SGCZ: variants seen among roughly 807,000 people sequenced by gnomAD.
SGCZ encodes the protein sarcoglycan zeta.
In SGCZ, 40 loss-of-function variants were observed where a neutral mutation model predicts 41.3. The ratio of observed to expected loss-of-function variants is 0.97; its 90% CI spans 0.75 to 1.26. The LOEUF is 1.26. Among genes scored for constraint, SGCZ ranks in the 50% most tolerant of loss-of-function variants. The pLI is 0.00. For synonymous variants in SGCZ, 206 were observed against 137.5 expected, an observed-to-expected ratio of 1.50 and a Z score of -3.49; for missense variants, 552 against 369.8, an observed-to-expected ratio of 1.49 and a Z score of -4.04.
intron 4 of SGCZ, among the ~76,000 whole-genome samples, chr8:14,198,098 C>G (rs1424891093): frequency 6.6e-6 from 1 of 152,042 alleles, no homozygotes; most frequent in Admixed American, 6.6e-5. Context: ...ATGGAAAATT[C>G]CAGAAAGAAA....
rs148144621 is a variant in SGCZ at position 14,753,232 on chromosome 8, C to G, written c.40-198306G>C. 9.2e-5 allele frequency among the ~76,000 whole-genome samples: 14 copies of G among 152,282 alleles called. No homozygotes were observed. The East Asian group carries it at 2.7e-3, about 29-fold the overall frequency. On this transcript the variant is annotated intron_variant, in intron 1 of 7. Coordinates refer to ENST00000382080, the MANE Select transcript of SGCZ (RefSeq NM_139167.4). ...CGGAGCTAAATTAACACACTTTTCT[C>G]TAAAATTTTAGATTCATAAATTTCT...
At chr8:14,502,701 G>C (rs956808674) in intron 2 of SGCZ, among the ~76,000 whole-genome samples, 2 of 152,156 alleles carry the variant, frequency 1.3e-5, no homozygotes, top group Admixed American at 1.3e-4. Context: ...ATGAAAAAAA[G>C]CTCATCATCA....
chr8:14,780,555 T>C (rs894500188), intron 1 of SGCZ, among the ~76,000 whole-genome samples: 1 of 151,926 alleles, frequency 6.6e-6, no homozygotes, highest in Non-Finnish European at 1.5e-5. Context: ...AGGAGAACGA[T>C]GGGAAGGAAT....
In SGCZ at chr8:15,168,467, C is replaced by A. The variant is rs544010374; in HGVS notation, c.39+69118G>T. 1.8e-4 allele frequency among the ~76,000 whole-genome samples: 27 copies of A among 152,220 alleles called. No individual in the cohort carries two copies. In the South Asian group the frequency reaches 4.4e-3, roughly 25 times the overall value. Reference sequence around the variant, plus strand: ...GAATTCCCTATTCTCTAGCTCCCCCCACAACCCAACCCTTGCTTCATGGGC... The same window carrying A: ...GAATTCCCTATTCTCTAGCTCCCCCAACAACCCAACCCTTGCTTCATGGGC... On this transcript the variant is annotated intron_variant, in intron 1 of 7. Transcript: ENST00000382080.
intron 2 of SGCZ, among the ~76,000 whole-genome samples, chr8:14,445,003 C>G (rs141782652): frequency 6.6e-6 from 1 of 152,292 alleles, no homozygotes; most frequent in Admixed American, 6.5e-5. Context: ...TTACTTTCCC[C>G]TGATGTAGGA....
intron 2 of SGCZ, among the ~76,000 whole-genome samples, chr8:14,349,809 T>C (rs901061061): frequency 6.6e-6 from 1 of 152,106 alleles, no homozygotes; most frequent in Non-Finnish European, 1.5e-5. Context: ...TCTTCTGGAA[T>C]AACAGTCCAA....
At chr8:14,551,669 G>C (rs1443234399) in intron 2 of SGCZ, among the ~76,000 whole-genome samples, 1 of 67,152 alleles carries the variant, frequency 1.5e-5, no homozygotes, top group Non-Finnish European at 3.0e-5. Flanking sequence ...AAGTATGTAT[G>C]TATGTATCTG....
At chr8:14,946,429 G>A (rs944827619) in intron 1 of SGCZ, among the ~76,000 whole-genome samples, 2 of 152,008 alleles carry the variant, frequency 1.3e-5, no homozygotes, top group African/African-American at 4.8e-5. Context: ...GCCAATAGCA[G>A]CAGGGTGGTT....
intron 1 of SGCZ, among the ~76,000 whole-genome samples, chr8:14,594,497 A>G (rs1554459670): frequency 6.6e-6 from 1 of 151,932 alleles, no homozygotes; most frequent in Non-Finnish European, 1.5e-5. Context: ...CACTGGGAGG[A>G]TCAAACAAGA....
At chr8:15,196,986 G>A (rs559958368) in intron 1 of SGCZ, among the ~76,000 whole-genome samples, 3 of 152,308 alleles carry the variant, frequency 2.0e-5, no homozygotes, top group African/African-American at 7.2e-5. Context: ...TGGTCTCAGA[G>A]CAATAGTCCC....
chr8:15,123,126 C>G (rs1276810063), intron 1 of SGCZ, among the ~76,000 whole-genome samples: 3 of 152,160 alleles, frequency 2.0e-5, no homozygotes, highest in Non-Finnish European at 4.4e-5. Context: ...ATAAAGGGCT[C>G]ACCGTCATGA....
At chr8:14,378,892 A>G (rs940767197) in intron 2 of SGCZ, among the ~76,000 whole-genome samples, 3 of 152,210 alleles carry the variant, frequency 2.0e-5, no homozygotes, top group Non-Finnish European at 2.9e-5. Flanking sequence ...AGACCTAAAA[A>G]AAATCTTTAT....
intron 2 of SGCZ, among the ~76,000 whole-genome samples, chr8:14,414,833 A>G (rs1799452580): frequency 6.6e-6 from 1 of 151,986 alleles, no homozygotes; most frequent in African/African-American, 2.4e-5. Flanking sequence ...ATTATTAAAC[A>G]CCATGAAATT....
intron 2 of SGCZ, among the ~76,000 whole-genome samples, chr8:14,347,076 C>G (rs1358956600): frequency 6.6e-6 from 1 of 152,020 alleles, no homozygotes; most frequent in Non-Finnish European, 1.5e-5. Context: ...TATTAGCCCT[C>G]GTTAGTTGCC....
chr8:14,814,066 T>C (rs1201754949), intron 1 of SGCZ, among the ~76,000 whole-genome samples: 1 of 152,172 alleles, frequency 6.6e-6, no homozygotes, highest in African/African-American at 2.4e-5. Flanking sequence ...AATAGACATG[T>C]CTTTTATGAT....
intron 5 of SGCZ, among the ~76,000 whole-genome samples, chr8:14,113,309 T>C (rs1802429045): frequency 6.6e-6 from 1 of 152,144 alleles, no homozygotes. Context: ...CATATGCAGA[T>C]TTCTTCATTC....
intron 1 of SGCZ, among the ~76,000 whole-genome samples, chr8:14,619,544 A>G (rs543439421): frequency 5.9e-4 from 90 of 152,314 alleles, no homozygotes; most frequent in Middle Eastern, 3.4e-3. Flanking sequence ...AGAAAACCCC[A>G]CTGTCTCAGC....
intron 1 of SGCZ, among the ~76,000 whole-genome samples, chr8:14,974,626 G>A (rs1801405360): frequency 1.3e-5 from 2 of 152,028 alleles, no homozygotes; most frequent in Admixed American, 1.3e-4. Context: ...GTTTTTTGAA[G>A]CTCCCCAGCA....
At chr8:14,275,783 T>C (rs933659783) in intron 3 of SGCZ, among the ~76,000 whole-genome samples, 7 of 152,148 alleles carry the variant, frequency 4.6e-5, no homozygotes, top group Non-Finnish European at 1.0e-4. Context: ...CTGCTGCTGG[T>C]GGCTGAAGGC....
Sources: gnomAD v4.1 joint callset for allele counts (sites outside exome capture counted in the v4.1 genomes callset) on GRCh38, gnomAD v4.1.1 for gene constraint, MANE v1.5 for transcripts, NCBI Gene and HGNC (gene_info 2026-07-23, HGNC 2026-07-21) for gene names.